The following SPATA17 variants were observed in gnomAD, a reference collection of about 807,000 sequenced individuals.
SPATA17 encodes the protein spermatogenesis associated 17.
A neutral mutation model predicts 62.2 loss-of-function variants in SPATA17; 53 were observed. The observed-to-expected ratio is 0.85, with a 90% CI of 0.68 to 1.07. The LOEUF (loss-of-function observed/expected upper bound fraction) is 1.07, where lower values mean the gene tolerates loss of function less well. Among genes scored for constraint, SPATA17 ranks in the 50% least tolerant of loss-of-function variants. The pLI, the probability that SPATA17 is intolerant of heterozygous loss-of-function variation, is 0.00. For synonymous variants in SPATA17, 146 were observed against 146.8 expected (o/e 0.99, Z 0.04); for missense variants, 466 against 425.5 (o/e 1.10, Z -0.84).
intron 6 of SPATA17, among the ~76,000 whole-genome samples, chr1:217,762,647 C>T (rs1017307182): frequency 2.0e-5 from 3 of 152,170 alleles, no homozygotes; most frequent in Non-Finnish European, 4.4e-5. Flanking sequence ...TTAGGGTTCT[C>T]AGCCCTGGCT....
intron 5 of SPATA17, among the ~76,000 whole-genome samples, chr1:217,700,583 T>G (rs988399078): frequency 1.6e-4 from 24 of 152,018 alleles, no homozygotes; most frequent in African/African-American, 5.5e-4. Flanking sequence ...ACATACATTT[T>G]TTTTTCTTTT....
intron 5 of SPATA17, among the ~76,000 whole-genome samples, chr1:217,732,862 A>T (rs1161925439): frequency 2.0e-5 from 3 of 152,132 alleles, no homozygotes; most frequent in African/African-American, 7.2e-5. Context: ...TAATTATTTG[A>T]CATCACGCAT....
At chr1:217,667,842 G>A (rs1401474092) in intron 3 of SPATA17, among the ~76,000 whole-genome samples, 3 of 152,122 alleles carry the variant, frequency 2.0e-5, no homozygotes, top group African/African-American at 2.4e-5. Flanking sequence ...TTACAATCAC[G>A]AAGAAAGAGA....
At chr1:217,786,217 A>G (rs560959575) in intron 8 of SPATA17, among the ~76,000 whole-genome samples, 1 of 152,294 alleles carries the variant, frequency 6.6e-6, no homozygotes, top group Non-Finnish European at 1.5e-5. Context: ...AAACCTAACA[A>G]AATTTTTAGT....
intron 4 of SPATA17, among the ~76,000 whole-genome samples, chr1:217,673,984 C>A (rs1316112290): frequency 6.6e-6 from 1 of 152,224 alleles, no homozygotes; most frequent in East Asian, 1.9e-4. Context: ...AGGAAGAAGT[C>A]TCTCATTCAA....
chr1:217,659,578 T>C (rs909171191), intron 3 of SPATA17, among the ~76,000 whole-genome samples: 1 of 152,140 alleles, frequency 6.6e-6, no homozygotes, highest in African/African-American at 2.4e-5. Context: ...ATGAAGAAAT[T>C]GGTACTCAGG....
Position 217,674,166 on chromosome 1 carries a change from A to G in SPATA17, c.291+5083A>G, listed in dbSNP as rs572705237. 2.6e-3 allele frequency among the ~76,000 whole-genome samples: 395 copies of G among 152,238 alleles called. 8 individuals carry two copies. Among genetic ancestry groups the G allele is most frequent in the Non-Finnish European group, 2.4e-4 (16 of 68,028 alleles). On this transcript the variant is annotated intron_variant, in intron 4 of 10. Coordinates refer to ENST00000366933, the MANE Select transcript of SPATA17 (RefSeq NM_138796.4). ...GAATAAATAGCTATAGCTGGGGGATACCTAAGTGTACTGTAGTCAAACTGA... is the reference window on the plus strand; with the variant it reads ...GAATAAATAGCTATAGCTGGGGGATGCCTAAGTGTACTGTAGTCAAACTGA...
chr1:217,807,845 C>A (rs1674475957), intron 9 of SPATA17, among the ~76,000 whole-genome samples: 1 of 152,180 alleles, frequency 6.6e-6, no homozygotes, highest in African/African-American at 2.4e-5. Context: ...ATGCGTTTAA[C>A]CTGTTGTTTC....
chr1:217,631,853 A>G lies in SPATA17; in HGVS notation c.68+407A>G, dbSNP rs111978613. On this transcript the variant is annotated intron_variant, in intron 1 of 10. Coordinates refer to ENST00000366933, the MANE Select transcript of SPATA17 (RefSeq NM_138796.4). ...CCTCCGTTATTTTACAAACATCACT[A>G]AACTCAATTGTTCTATGACTCATTC... is the stretch of plus-strand genomic sequence containing the variant. Among the ~76,000 whole-genome samples the G allele has an allele frequency of 3.1e-4, 47 of 152,294 alleles. 1 individual carries two copies. The highest frequency in any genetic ancestry group is 9.6e-4 in the African/African-American group (40 of 41,560).
chr1:217,794,368 A>G (rs1368926609), intron 8 of SPATA17, among the ~76,000 whole-genome samples: 1 of 152,140 alleles, frequency 6.6e-6, no homozygotes, highest in Non-Finnish European at 1.5e-5. Context: ...AAGAATAACT[A>G]ATGGTGATTT....
chr1:217,778,178 G>T (rs1044934984), intron 7 of SPATA17, among the ~76,000 whole-genome samples: 1 of 152,126 alleles, frequency 6.6e-6, no homozygotes. Context: ...CTCAAAAGCA[G>T]TTAAGGTAGA....
At chr1:217,775,547 A>C in intron 7 of SPATA17, among the ~76,000 whole-genome samples, 1 of 152,084 alleles carries the variant, frequency 6.6e-6, no homozygotes, top group African/African-American at 2.4e-5. Flanking sequence ...TACTAAAAAT[A>C]CAAAAATTAG....
At chr1:217,683,564 G>A (rs569074288) in intron 5 of SPATA17, among the ~76,000 whole-genome samples, 43 of 152,092 alleles carry the variant, frequency 2.8e-4, no homozygotes, top group African/African-American at 9.9e-4. Flanking sequence ...TCAGACTCCC[G>A]AGTAGGTGGG....
At chr1:217,714,644 C>T (rs185526588) in intron 5 of SPATA17, among the ~76,000 whole-genome samples, 40 of 151,748 alleles carry the variant, frequency 2.6e-4, no homozygotes, top group African/African-American at 7.7e-4. Context: ...CCAGCACGCC[C>T]GGCTAATTTT....
chr1:217,658,555 A>G (rs189219650), intron 3 of SPATA17, among the ~76,000 whole-genome samples: 21 of 152,194 alleles, frequency 1.4e-4, no homozygotes, highest in Non-Finnish European at 2.5e-4. Flanking sequence ...TCAGGAGATC[A>G]AGACCATCCT....
At chr1:217,714,502 T>TTTTTTTTTTTTTTTA (rs1294219534) in intron 5 of SPATA17, among the ~76,000 whole-genome samples, 1 of 148,546 alleles carries the variant, frequency 6.7e-6, no homozygotes. Flanking sequence ...TTTTTTTTTT[T>TTTTTTTTTTTTTTTA]GAGACAGAGT....
At chr1:217,712,132 T>TC (rs779406752) in intron 5 of SPATA17, among the ~76,000 whole-genome samples, 1 of 145,750 alleles carries the variant, frequency 6.9e-6, no homozygotes. Flanking sequence ...TATGTTCTTT[T>TC]GTTTTTTTTT....
intron 5 of SPATA17, among the ~76,000 whole-genome samples, chr1:217,740,207 A>G (rs1672598727): frequency 6.8e-6 from 1 of 147,914 alleles, no homozygotes; most frequent in South Asian, 2.3e-4. Flanking sequence ...AATTATTTAT[A>G]GAGCAGAAAC....
intron 9 of SPATA17, among the ~76,000 whole-genome samples, chr1:217,803,677 A>G (rs1350116701): frequency 6.6e-6 from 1 of 152,214 alleles, no homozygotes; most frequent in Non-Finnish European, 1.5e-5. Flanking sequence ...AACTGAGTCA[A>G]TACAATCCCT....
Sources: gnomAD v4.1 joint callset for allele counts (sites outside exome capture counted in the v4.1 genomes callset) on GRCh38, gnomAD v4.1.1 for gene constraint, MANE v1.5 for transcripts, NCBI Gene and HGNC (gene_info 2026-07-23, HGNC 2026-07-21) for gene names.